RBFOX3: variants seen among roughly 807,000 people sequenced by gnomAD.
The protein encoded by RBFOX3 is RNA binding fox-1 homolog 3.
Under a neutral mutation model 48.7 loss-of-function variants are expected in RBFOX3, and 17 were observed. That is an observed-to-expected ratio of 0.35 (90% confidence interval 0.24 to 0.52). The LOEUF is 0.52. RBFOX3 is among the 20% of genes least tolerant of loss of function. RBFOX3 has a pLI of 0.94. For synonymous variants in RBFOX3, 212 were observed against 209.5 expected, an observed-to-expected ratio of 1.01 and a Z score of -0.10; for missense variants, 382 against 497.5, an observed-to-expected ratio of 0.77 and a Z score of 2.21.
At chr17:79,146,533 A>G (rs903976849) in intron 4 of RBFOX3, among the ~76,000 whole-genome samples, 1 of 152,194 alleles carries the variant, frequency 6.6e-6, no homozygotes, top group African/African-American at 2.4e-5. Flanking sequence ...AAGGGCCTGG[A>G]AGAACCCTAC....
chr17:79,589,713 G>C lies in RBFOX3; in HGVS notation c.-320+21113C>G, dbSNP rs990442898. 2.8e-4 allele frequency among the ~76,000 whole-genome samples: 42 copies of C among 152,232 alleles called. 1 individual carries two copies. Among genetic ancestry groups the C allele is most frequent in the African/African-American group, 1.0e-3 (42 of 41,550 alleles). On this transcript the variant is annotated intron_variant, in intron 1 of 14. Transcript: ENST00000693108. Reference sequence around the variant, plus strand: ...GACCCTGGAGAACGGCAGTGAAGAGGGGTCACATGCACCCCGACACCCTCC... The same window carrying C: ...GACCCTGGAGAACGGCAGTGAAGAGCGGTCACATGCACCCCGACACCCTCC...
intron 4 of RBFOX3, among the ~76,000 whole-genome samples, chr17:79,143,389 G>GC (rs2042331335): frequency 7.8e-6 from 1 of 128,468 alleles, no homozygotes; most frequent in Non-Finnish European, 1.7e-5. Flanking sequence ...GTGGGGGGGG[G>GC]TTCTATAAAT....
chr17:79,153,755 C>A (rs2045131259), intron 4 of RBFOX3, among the ~76,000 whole-genome samples: 1 of 152,074 alleles, frequency 6.6e-6, no homozygotes, highest in Non-Finnish European at 1.5e-5. Flanking sequence ...CTTCCCACCT[C>A]CTCCTCCCAC....
At chr17:79,455,176 A>C (rs2074264286) in intron 2 of RBFOX3, among the ~76,000 whole-genome samples, 1 of 152,208 alleles carries the variant, frequency 6.6e-6, no homozygotes, top group Non-Finnish European at 1.5e-5. Context: ...GTATCTTAAA[A>C]ATGAGCCCCA....
intron 1 of RBFOX3, among the ~76,000 whole-genome samples, chr17:79,594,309 G>A (rs2093507589): frequency 6.6e-6 from 1 of 152,170 alleles, no homozygotes; most frequent in South Asian, 2.1e-4. Flanking sequence ...ATGGAGCTGT[G>A]GAGACGGCAC....
intron 4 of RBFOX3, among the ~76,000 whole-genome samples, chr17:79,166,161 G>A (rs552896947): frequency 1.7e-4 from 26 of 148,848 alleles, no homozygotes; most frequent in African/African-American, 6.5e-4. Flanking sequence ...TTCCCCCCCC[G>A]GGCAGGTAAG....
At chr17:79,098,374 A>T (rs1337825047) in intron 9 of RBFOX3, 1 of 153,224 alleles carries the variant, frequency 6.5e-6, no homozygotes, top group African/African-American at 2.4e-5. Context: ...GAATGATAAT[A>T]AGGATGGGCT....
chr17:79,406,028 G>A (rs2063491394), intron 2 of RBFOX3, among the ~76,000 whole-genome samples: 1 of 152,148 alleles, frequency 6.6e-6, no homozygotes, highest in Admixed American at 6.5e-5. Context: ...TTGGCCCCTT[G>A]CCCCTTTTCA....
At chr17:79,410,445 G>C (rs148391402) in intron 2 of RBFOX3, among the ~76,000 whole-genome samples, 302 of 152,236 alleles carry the variant, frequency 2.0e-3, no homozygotes, top group African/African-American at 7.0e-3. Context: ...TTTGCGGCAG[G>C]GGGGCGGTCA....
upstream of RBFOX3, among the ~76,000 whole-genome samples, chr17:79,612,328 G>C (rs908755922): frequency 1.3e-5 from 2 of 152,112 alleles, no homozygotes; most frequent in African/African-American, 4.8e-5. Context: ...CCTCCTCCTC[G>C]CACCTGACTG....
intron 6 of RBFOX3, 128 bp from the exon 7 acceptor site, chr17:79,104,254 A>T: frequency 2.3e-6 from 2 of 883,358 alleles, no homozygotes. Context: ...CCAGCTTGGG[A>T]AAGGAGACCG....
chr17:79,322,935 G>A (rs2078762609), intron 2 of RBFOX3, among the ~76,000 whole-genome samples: 1 of 152,222 alleles, frequency 6.6e-6, no homozygotes, highest in Non-Finnish European at 1.5e-5. Flanking sequence ...TTGGATTGCT[G>A]GCACTGCATG....
intron 2 of RBFOX3, among the ~76,000 whole-genome samples, chr17:79,350,453 C>G (rs531106079): frequency 1.4e-4 from 21 of 152,188 alleles, no homozygotes; most frequent in Non-Finnish European, 2.5e-4. Context: ...AAGGCAATTT[C>G]ATTTCATTTC....
At chr17:79,167,841 G>A (rs2048337733) in intron 4 of RBFOX3, among the ~76,000 whole-genome samples, 1 of 152,236 alleles carries the variant, frequency 6.6e-6, no homozygotes, top group African/African-American at 2.4e-5. Flanking sequence ...TCTCTGGGAT[G>A]CTAGGTCCTC....
intron 3 of RBFOX3, among the ~76,000 whole-genome samples, chr17:79,256,327 T>C (rs1248100123): frequency 6.6e-6 from 1 of 151,842 alleles, no homozygotes; most frequent in Non-Finnish European, 1.5e-5. Flanking sequence ...GAAGGAAATA[T>C]TAAAATTAAA....
At chr17:79,430,241 G>A (rs2068167049) in intron 2 of RBFOX3, among the ~76,000 whole-genome samples, 1 of 150,966 alleles carries the variant, frequency 6.6e-6, no homozygotes, top group African/African-American at 2.4e-5. Context: ...AAAATTCTTA[G>A]GAGAGTGAAC....
chr17:79,622,065 C>T, the RBFOX3 span, among the ~76,000 whole-genome samples: 1 of 152,104 alleles, frequency 6.6e-6, no homozygotes, highest in Non-Finnish European at 1.5e-5. Context: ...AAAAGTAGGG[C>T]TTTTCTAAGG....
chr17:79,548,617 C>A (rs1314915042), intron 1 of RBFOX3, among the ~76,000 whole-genome samples: 2 of 152,224 alleles, frequency 1.3e-5, no homozygotes, highest in Non-Finnish European at 2.9e-5. Flanking sequence ...CAGCTCAGGC[C>A]TCAGTTTCTC....
intron 1 of RBFOX3, among the ~76,000 whole-genome samples, chr17:79,530,781 G>A (rs1192327943): frequency 2.0e-5 from 3 of 152,170 alleles, no homozygotes; most frequent in African/African-American, 7.2e-5. Context: ...CATGCCGCGG[G>A]ACCACAGAGG....
Sources: allele counts gnomAD v4.1 joint callset (sites outside exome capture counted in the v4.1 genomes callset), GRCh38; gene constraint gnomAD v4.1.1; transcripts MANE v1.5; gene names NCBI Gene and HGNC (gene_info 2026-07-23, HGNC 2026-07-21).